The following SBNO1 variants were observed in gnomAD, a reference collection of about 807,000 sequenced individuals.
SBNO1 encodes strawberry notch homolog 1.
SBNO1 carries 23 observed loss-of-function variants against 173.6 expected under a neutral mutation model. That is an observed-to-expected ratio of 0.13 (90% CI 0.10 to 0.19). The LOEUF (loss-of-function observed/expected upper bound fraction) is 0.19, where lower values mean the gene tolerates loss of function less well. Among genes scored for constraint, SBNO1 ranks in the 10% least tolerant of loss-of-function variants. The probability of loss-of-function intolerance (pLI) is 1.00; values close to 1 mark genes in which losing one functional copy is unlikely to be tolerated. For synonymous variants in SBNO1, 632 were observed against 571.5 expected (o/e 1.11, Z -1.51); for missense variants, 1,238 against 1,671.2 (o/e 0.74, Z 4.52).
intron 2 of SBNO1, 83 bp downstream of exon 2, chr12:123,350,227 C>T: frequency 6.6e-7 from 1 of 1,516,560 alleles, no homozygotes; most frequent in Non-Finnish European, 9.0e-7. Context: ...GCACCCCAGC[C>T]TGGGCCACAG....
At chr12:123,342,755 G>C (rs1218770777) in intron 4 of SBNO1, among the ~76,000 whole-genome samples, 1 of 152,060 alleles carries the variant, frequency 6.6e-6, no homozygotes, top group Non-Finnish European at 1.5e-5. Context: ...AGAACCCCTG[G>C]AACCAGCCTT....
rs1023136226 is a variant in SBNO1 at position 123,320,833 on chromosome 12, T to C, written c.2357A>G (p.Asn786Ser). The change falls in exon 18 of 32, where the codon AAC becomes AGC. Residue 786 changes from asparagine (N) to serine (S), a missense_variant. Asn to Ser is a conservative substitution (Grantham distance 46). Around this residue, in one of 14 missense-constraint regions of SBNO1, gnomAD observed 33 missense variants for 29.6 expected, o/e 1.11. Transcript: ENST00000602398. ...ACTTTTCTTCTTTTTTTTCTCTTTG[T>C]TTTTCTTGTGGTCTTTTCTAATTAA... ...PWLIRKDHKK[N>S]KEKKKKKSID... The C allele has an allele frequency of 1.3e-5, 20 of 1,594,116 alleles. No homozygotes were observed. The highest frequency in any genetic ancestry group is 1.7e-5 in the Non-Finnish European group (20 of 1,172,738).
chr12:123,316,213 A>G (rs1182503502), intron 21 of SBNO1, among the ~76,000 whole-genome samples: 1 of 152,178 alleles, frequency 6.6e-6, no homozygotes, highest in Non-Finnish European at 1.5e-5. Context: ...GAGATAAGAT[A>G]TAAGACATTA....
rs1288156495 is a variant in SBNO1, at chr12:123,291,422, A to G, written c.*4486T>C. Reference sequence around the variant, plus strand: ...GGAGCTTAAAGAAGTCTCAGGAAGCATTTTTTAAAATGTGAAAACATCAGG... The same window carrying G: ...GGAGCTTAAAGAAGTCTCAGGAAGCGTTTTTTAAAATGTGAAAACATCAGG... On this transcript the variant is annotated 3_prime_UTR_variant, in exon 32 of 32. Transcript: ENST00000602398. 6.6e-5 allele frequency: 10 copies of G among 152,304 alleles called. No individual in the cohort carries two copies. In the East Asian group the frequency reaches 1.9e-3, roughly 29 times the overall value. The allele number at this position is 152,304 out of a possible 1,614,324, so 9.4% of individuals were successfully genotyped here.
chr12:123,314,707 G>A (rs565358939), intron 23 of SBNO1, among the ~76,000 whole-genome samples: 3 of 151,860 alleles, frequency 2.0e-5, no homozygotes, highest in East Asian at 3.9e-4. Context: ...GCATGATCTC[G>A]GCTCACTGCA....
chr12:123,327,750 G>C lies in SBNO1; in HGVS notation c.1495C>G (p.Pro499Ala). The stretch of plus-strand genomic sequence containing the variant: ...ATAAAATCACTGAATTCTCTAAATG[G>C]AGTACCCTCACCCCATATGCCAAGA... ...NRLGIWGEGT[P>A]FREFSDFIQA... is the part of the protein sequence containing the mutation. The change falls in exon 12 of 32, where the codon CCA becomes GCA. Residue 499 changes from proline to alanine, a missense_variant. By Grantham distance (27) the Pro-to-Ala change is conservative. This residue lies in a region of SBNO1 where 182 missense variants were observed against 339.9 expected (regional missense o/e 0.54). Coordinates refer to ENST00000602398, the MANE Select transcript of SBNO1 (RefSeq NM_001167856.3). The C allele has an allele frequency of 6.2e-7, 1 of 1,613,760 alleles. No individual in the cohort carries two copies.
intron 3 of SBNO1, among the ~76,000 whole-genome samples, chr12:123,347,480 C>A (rs1262533061): frequency 6.6e-6 from 1 of 151,862 alleles, no homozygotes; most frequent in Non-Finnish European, 1.5e-5. Context: ...CCCTCCCTGG[C>A]CTCCAAAAGT....
chr12:123,307,409 C>T (rs77590936), intron 28 of SBNO1, among the ~76,000 whole-genome samples: 13,314 of 152,104 alleles, frequency 0.088, 1,634 homozygotes, highest in African/African-American at 0.28. Context: ...ATATAGACCA[C>T]ATATGGCCTA....
chr12:123,296,417 G>A (rs1336494591), intron 31 of SBNO1, among the ~76,000 whole-genome samples: 1 of 127,336 alleles, frequency 7.9e-6, no homozygotes, highest in South Asian at 2.7e-4. Flanking sequence ...AATGCTAACC[G>A]AAACAGGTTA....
In SBNO1 at chr12:123,314,063, G is replaced by A. The variant is rs749318395; in HGVS notation, c.3121-344C>T. Among the ~76,000 whole-genome samples, 37 of 151,766 alleles carry A rather than the reference G, an allele frequency of 2.4e-4. 1 individual carries two copies. The highest frequency in any genetic ancestry group is 2.6e-4 in the Admixed American group (4 of 15,226). On this transcript the variant is annotated intron_variant, in intron 23 of 31. Coordinates refer to ENST00000602398, the MANE Select transcript of SBNO1 (RefSeq NM_001167856.3). Reference sequence around the variant, plus strand: ...GGCGTCATTGTGCTCCAGCCTGGGCGACAAGAGCAAAAAACTCCCTCTCAA... The same window carrying A: ...GGCGTCATTGTGCTCCAGCCTGGGCAACAAGAGCAAAAAACTCCCTCTCAA...
At chr12:123,338,939 G>T (rs1872216409) in intron 5 of SBNO1, among the ~76,000 whole-genome samples, 1 of 128,390 alleles carries the variant, frequency 7.8e-6, no homozygotes, top group Non-Finnish European at 1.6e-5. Context: ...CGACTAGTTT[G>T]GTTGATGGGC....
chr12:123,328,909 G>C lies in SBNO1; in HGVS notation c.1135-14C>G. The C allele has an allele frequency of 6.9e-7, 1 of 1,456,828 alleles. No homozygotes were observed. Among genetic ancestry groups the C allele is most frequent in the South Asian group, 1.3e-5 (1 of 78,908 alleles). 90.2% of individuals were successfully genotyped at this position (1,456,828 alleles called of 1,614,324 possible). ...TCCGTATTTAAACTAAAAAAGAAAA[G>C]AAAAGAATTTAGTTAATTAGTATAC... On this transcript the variant is annotated splice_polypyrimidine_tract_variant and intron_variant, in intron 9 of 31. Transcript: ENST00000602398.
intron 7 of SBNO1, among the ~76,000 whole-genome samples, chr12:123,331,906 G>A (rs765696199): frequency 1.2e-4 from 18 of 152,078 alleles, no homozygotes; most frequent in Non-Finnish European, 2.5e-4. Flanking sequence ...AGGCTGAAGT[G>A]CAGTGGCACA....
At chr12:123,343,426 C>T (rs550974816) in intron 4 of SBNO1, among the ~76,000 whole-genome samples, 31 of 152,134 alleles carry the variant, frequency 2.0e-4, no homozygotes, top group African/African-American at 7.5e-4. Flanking sequence ...GTAGAACATG[C>T]AACACCTTGC....
Position 123,295,890 on chromosome 12 carries a change from T to C in SBNO1, c.*18A>G, listed in dbSNP as rs1456203596. The C allele has an allele frequency of 1.9e-6, 3 of 1,612,418 alleles. No individual in the cohort carries two copies. The highest frequency in any genetic ancestry group is 2.5e-6 in the Non-Finnish European group (3 of 1,178,954). Reference sequence around the variant, plus strand: ...CAACAGCATTTCAGATCCATCCATGTTGAAACCTGTCTGTTCTTCATGCGT... The same window carrying C: ...CAACAGCATTTCAGATCCATCCATGCTGAAACCTGTCTGTTCTTCATGCGT... On this transcript the variant is annotated 3_prime_UTR_variant, in exon 32 of 32. Coordinates refer to ENST00000602398, the MANE Select transcript of SBNO1 (RefSeq NM_001167856.3).
At chr12:123,355,657 C>A (rs1384455387) in intron 1 of SBNO1, among the ~76,000 whole-genome samples, 2 of 152,008 alleles carry the variant, frequency 1.3e-5, no homozygotes, top group Non-Finnish European at 2.9e-5. Context: ...GTGACATGCA[C>A]CTGTGGTCCC....
chr12:123,321,521 TATACTG>T lies in SBNO1; in HGVS notation c.2323+8_2323+13del. The stretch of plus-strand genomic sequence containing the variant: ...ATTATATGCTTTCGTGTATATTTAA[TATACTG>T]AACTTACCATTTTCATCATCCTCAT... On this transcript the variant is annotated splice_region_variant and intron_variant, in intron 17 of 31. Coordinates refer to ENST00000602398, the MANE Select transcript of SBNO1 (RefSeq NM_001167856.3). 6.4e-7 allele frequency: 1 copy of T among 1,564,030 alleles called. No individual in the cohort carries two copies. Among genetic ancestry groups the T allele is most frequent in the Non-Finnish European group, 8.8e-7 (1 of 1,134,818 alleles).
intron 1 of SBNO1, among the ~76,000 whole-genome samples, chr12:123,362,313 G>A (rs1205794154): frequency 6.6e-6 from 1 of 151,522 alleles, no homozygotes; most frequent in African/African-American, 2.4e-5. Flanking sequence ...GCGGGCACCT[G>A]TAATCCCAGC....
chr12:123,341,957 T>C (rs1168948962), intron 4 of SBNO1, among the ~76,000 whole-genome samples: 2 of 151,582 alleles, frequency 1.3e-5, no homozygotes, highest in African/African-American at 4.8e-5. Context: ...AAATTATTTA[T>C]CAGAAAGATA....
Sources: gnomAD v4.1 joint callset for allele counts (sites outside exome capture counted in the v4.1 genomes callset) on GRCh38, gnomAD v4.1.1 for gene constraint, gnomAD v4.1.1 regional missense constraint, MANE v1.5 for transcripts, NCBI Gene and HGNC (gene_info 2026-07-23, HGNC 2026-07-21) for gene names.